PLPPR2: variants seen among roughly 807,000 people sequenced by gnomAD.
PLPPR2 encodes phospholipid phosphatase-related protein type 2.
A neutral mutation model predicts 40.3 loss-of-function variants in PLPPR2; 11 were observed. The observed-to-expected ratio is 0.27, with a 90% confidence interval of 0.17 to 0.45. PLPPR2 has a LOEUF of 0.45. PLPPR2 is among the 20% of genes least tolerant of loss of function. The pLI is 1.00. For missense variants in PLPPR2, 497 were observed against 640.7 expected (o/e 0.78, Z 2.42); for synonymous variants, 260 against 290.8 (o/e 0.89, Z 1.08).
rs972945959 is a variant in PLPPR2, at chr19:11,364,256, G to A, written c.1015+44G>A. The A allele has an allele frequency of 2.0e-5, 32 of 1,587,160 alleles. No individual in the cohort carries two copies. The highest frequency in any genetic ancestry group is 2.7e-5 in the Non-Finnish European group (31 of 1,164,672). ...GGGGGCTAAACAGGGGGACTTCCAG[G>A]TGGGCAGCCACTGCCCCAGAGGTCT... On this transcript the variant is annotated intron_variant, in intron 9 of 9. Coordinates refer to ENST00000688289, the MANE Select transcript of PLPPR2 (RefSeq NM_001393892.1). This position sits in a 1 kb window ranked among gnomAD's most constrained non-coding sequence, Gnocchi z 5.8.
Position 11,364,241 on chromosome 19 carries a change from CAGG to C in PLPPR2, c.1015+30_1015+32del. 6.3e-7 allele frequency: 1 copy of C among 1,596,702 alleles called. No homozygotes were observed. The highest frequency in any genetic ancestry group is 8.5e-7 in the Non-Finnish European group (1 of 1,169,734). On this transcript the variant is annotated intron_variant, in intron 9 of 9. Coordinates refer to ENST00000688289, the MANE Select transcript of PLPPR2 (RefSeq NM_001393892.1). The surrounding 1 kb of genome is among the most constrained non-coding windows in gnomAD (Gnocchi z 5.8). Reference sequence around the variant, plus strand: ...AGTGTTGGGGGAGTGGGGGGCTAAACAGGGGGACTTCCAGGTGGGCAGCCACTG... The same window carrying C: ...AGTGTTGGGGGAGTGGGGGGCTAAACGGGACTTCCAGGTGGGCAGCCACTG...
In PLPPR2 at chr19:11,362,585, T is replaced by G; in HGVS notation, c.736T>G (p.Cys246Gly). The change falls in exon 7 of 10, where the codon TGC becomes GGC. Residue 246 changes from cysteine (C) to glycine (G), a missense_variant. Transcript: ENST00000688289. This position sits in a 1 kb window ranked among gnomAD's most constrained non-coding sequence, Gnocchi z 5.3. ...ACCCTCGCTCTGCCTGGCCTTGCTG[T>G]GCCCGGCCTTCCTGGTGGGCGTGGT... ...VKPSLCLALL[C>G]PAFLVGVVRV... is the part of the protein sequence containing the mutation. 6.2e-7 allele frequency: 1 copy of G among 1,613,366 alleles called. No homozygotes were observed. The highest frequency in any genetic ancestry group is 8.5e-7 in the Non-Finnish European group (1 of 1,180,002).
Position 11,364,973 on chromosome 19 carries a change from T to C in PLPPR2, c.*283T>C, listed in dbSNP as rs1047791598. ...TGCCTGGCTAATGAGAACCCCTGGT[T>C]CTCAGAATTTTAACCAAAAGGAGTT... is the stretch of plus-strand genomic sequence containing the variant. On this transcript the variant is annotated 3_prime_UTR_variant, in exon 10 of 10. Coordinates refer to ENST00000688289, the MANE Select transcript of PLPPR2 (RefSeq NM_001393892.1). The surrounding 1 kb of genome is among the most constrained non-coding windows in gnomAD (Gnocchi z 5.8). 5.2e-5 allele frequency: 25 copies of C among 478,692 alleles called. No individual in the cohort carries two copies. Among genetic ancestry groups the C allele is most frequent in the African/African-American group, 3.3e-4 (16 of 49,220 alleles). The allele number at this position is 478,692 out of a possible 1,614,324, so 29.7% of individuals were successfully genotyped here. A position where few individuals can be genotyped will look rare whatever the true frequency, so the allele number is the denominator to read the frequency against.
intron 5 of PLPPR2, among the ~76,000 whole-genome samples, chr19:11,360,286 CAAAAAA>C (rs71164193): frequency 1.2e-5 from 1 of 85,252 alleles, no homozygotes; most frequent in Non-Finnish European, 2.4e-5. Context: ...AACTCCGTCT[CAAAAAA>C]AAAAAAAAAA....
chr19:11,358,490 G>A (rs1187707852), intron 3 of PLPPR2, among the ~76,000 whole-genome samples: 1 of 151,968 alleles, frequency 6.6e-6, no homozygotes, highest in Non-Finnish European at 1.5e-5. Context: ...ATGTGGGAGA[G>A]TCTCTCCACC....
chr19:11,360,899 T>C (rs1187001720), intron 5 of PLPPR2, among the ~76,000 whole-genome samples: 1 of 152,036 alleles, frequency 6.6e-6, no homozygotes, highest in Non-Finnish European at 1.5e-5. Flanking sequence ...CTAGCCGTCC[T>C]AGGCATGGGG....
Position 11,361,539 on chromosome 19 carries a change from G to A in PLPPR2, c.663+51G>A. 1 of 1,545,730 alleles carries A rather than the reference G, an allele frequency of 6.5e-7. No homozygotes were observed. The highest frequency in any genetic ancestry group is 8.7e-7 in the Non-Finnish European group (1 of 1,150,162). ...GAAATGGGTGTGCAGGCTGGACAGC[G>A]ACCAGCAGCTAGGAAGCCGCCAGGG... On this transcript the variant is annotated intron_variant, in intron 6 of 9. Transcript: ENST00000688289. This position sits in a 1 kb window ranked among gnomAD's most constrained non-coding sequence, Gnocchi z 6.3.
rs767377471 is a variant in PLPPR2, at chr19:11,364,224, GGGA to G, written c.1015+14_1015+16del. The stretch of plus-strand genomic sequence containing the variant: ...GCTCACCCCATCCAGTGAGTGTTGG[GGGA>G]GTGGGGGGCTAAACAGGGGGACTTC... On this transcript the variant is annotated intron_variant, in intron 9 of 9. Transcript: ENST00000688289. This position sits in a 1 kb window ranked among gnomAD's most constrained non-coding sequence, Gnocchi z 5.8. 7.5e-6 allele frequency: 12 copies of G among 1,608,472 alleles called. No homozygotes were observed. Among genetic ancestry groups the G allele is most frequent in the Non-Finnish European group, 1.0e-5 (12 of 1,176,362 alleles).
chr19:11,363,041 C>T lies in PLPPR2; in HGVS notation c.840+352C>T, dbSNP rs139119685. On this transcript the variant is annotated intron_variant, in intron 7 of 9. Coordinates refer to ENST00000688289, the MANE Select transcript of PLPPR2 (RefSeq NM_001393892.1). This position sits in a 1 kb window ranked among gnomAD's most constrained non-coding sequence, Gnocchi z 4.8. ...GGGTGCGGTGGCTCACGCCTGTAAT[C>T]CCAGCACTTTGGGAAGCTGAGGCAG... 1.1e-3 allele frequency among the ~76,000 whole-genome samples: 168 copies of T among 152,250 alleles called. No homozygotes were observed. The highest frequency in any genetic ancestry group is 3.9e-3 in the African/African-American group (161 of 41,540).
At chr19:11,358,029 CTGTGTGTGTG>C (rs751126799) in intron 3 of PLPPR2, among the ~76,000 whole-genome samples, 16,197 of 149,428 alleles carry the variant, frequency 0.11, 1,643 homozygotes, top group African/African-American at 0.27. Context: ...GGGCTGTTCT[CTGTGTGTGTG>C]TGTGTGTGTG....
At position 11,359,422 on chromosome 19, in the gene PLPPR2, C is replaced by T. The variant is rs1967982631; in HGVS notation, c.67-110C>T. ...TCTCTCTCCATCTTCTAGTTTCTGT[C>T]TCTAACCCATGTTTCTCCATCTCTG... is the stretch of plus-strand genomic sequence containing the variant. On this transcript the variant is annotated intron_variant, in intron 3 of 9. Transcript: ENST00000688289. The surrounding 1 kb of genome is among the most constrained non-coding windows in gnomAD (Gnocchi z 5.6). 2 of 1,020,066 alleles carry T rather than the reference C, an allele frequency of 2.0e-6. No individual in the cohort carries two copies. Among genetic ancestry groups the T allele is most frequent in the Non-Finnish European group, 2.7e-6 (2 of 735,028 alleles). The allele number at this position is 1,020,066 out of a possible 1,614,324, so 63.2% of individuals were successfully genotyped here.
chr19:11,361,740 G>T lies in PLPPR2; in HGVS notation c.663+252G>T, dbSNP rs932787581. Among the ~76,000 whole-genome samples the T allele has an allele frequency of 2.6e-5, 4 of 151,756 alleles. No individual in the cohort carries two copies. Among genetic ancestry groups the T allele is most frequent in the African/African-American group, 9.7e-5 (4 of 41,282 alleles). ...TGGCCACGCCTCCTGAGCCAGTAATGCGAGGGAAACTGTTGGCTCTACCCT... is the reference window on the plus strand; with the variant it reads ...TGGCCACGCCTCCTGAGCCAGTAATTCGAGGGAAACTGTTGGCTCTACCCT... On this transcript the variant is annotated intron_variant, in intron 6 of 9. Transcript: ENST00000688289. This position sits in a 1 kb window ranked among gnomAD's most constrained non-coding sequence, Gnocchi z 6.3.
In PLPPR2 at chr19:11,359,860, C is replaced by T; in HGVS notation, c.295C>T (p.Pro99Ser). The change falls in exon 5 of 10, where the codon CCA becomes TCA. Residue 99 changes from proline (P) to serine (S), a missense_variant. By Grantham distance (74) the Pro-to-Ser change is moderately conservative. Transcript: ENST00000688289. This position sits in a 1 kb window ranked among gnomAD's most constrained non-coding sequence, Gnocchi z 5.6. ...GCTGGCGCGTGCCTTTTTCCCTGCA[C>T]CACCTTCAGCCGTCCCAGTCATCGG... Reference protein sequence around the residue: ...GELARAFFPAPPSAVPVIGES... With the variant: ...GELARAFFPASPSAVPVIGES... The T allele has an allele frequency of 1.9e-6, 3 of 1,613,684 alleles. No individual in the cohort carries two copies. The highest frequency in any genetic ancestry group is 2.5e-6 in the Non-Finnish European group (3 of 1,179,698).
At chr19:11,357,197 C>G (rs1020827530) in intron 2 of PLPPR2, among the ~76,000 whole-genome samples, 9 of 152,040 alleles carry the variant, frequency 5.9e-5, no homozygotes, top group African/African-American at 2.2e-4. Flanking sequence ...GAGAGAGGGG[C>G]CCCTGCAGAG....
intron 1 of PLPPR2, among the ~76,000 whole-genome samples, chr19:11,356,294 A>G (rs1164544249): frequency 6.6e-6 from 1 of 151,610 alleles, no homozygotes; most frequent in Non-Finnish European, 1.5e-5. Flanking sequence ...CGCTGTGATG[A>G]GTTCTGTGAC....
intron 3 of PLPPR2, 148 bp downstream of exon 3, chr19:11,357,887 A>G: frequency 1.6e-6 from 1 of 623,350 alleles, no homozygotes; most frequent in South Asian, 2.6e-5. Flanking sequence ...GCTTAGATTC[A>G]GAAGTGCCAC....
rs1055872578 is a variant in PLPPR2, at chr19:11,365,207, T to C, written c.*517T>C. ...AGGGAGATGAGGTCATTGTTTGTCA[T>C]TGAGTCTTCTCTCAGAATCAGCGAG... On this transcript the variant is annotated 3_prime_UTR_variant, in exon 10 of 10. Transcript: ENST00000688289. 1.4e-4 allele frequency: 22 copies of C among 159,770 alleles called. No homozygotes were observed. Among genetic ancestry groups the C allele is most frequent in the Admixed American group, 1.3e-3 (22 of 16,818 alleles). 9.9% of individuals were successfully genotyped at this position (159,770 alleles called of 1,614,324 possible).
Position 11,359,810 on chromosome 19 carries a change from C to G in PLPPR2, c.256-11C>G, listed in dbSNP as rs1967993658. 6.2e-7 allele frequency: 1 copy of G among 1,607,148 alleles called. No homozygotes were observed. Among genetic ancestry groups the G allele is most frequent in the African/African-American group, 1.3e-5 (1 of 74,854 alleles). ...GAAGGCCAGAAGACTCCATCTTGGT[C>G]TTGCCCACAGATCCTGCTGGGAGAG... On this transcript the variant is annotated splice_polypyrimidine_tract_variant and intron_variant, in intron 4 of 9. Transcript: ENST00000688289. This position sits in a 1 kb window ranked among gnomAD's most constrained non-coding sequence, Gnocchi z 5.6.
rs551786468 is a variant in PLPPR2 at position 11,364,565 on chromosome 19, C to T, written c.1234C>T (p.Arg412Trp). 7 of 1,536,962 alleles carry T rather than the reference C, an allele frequency of 4.6e-6. No homozygotes were observed. The highest frequency in any genetic ancestry group is 2.4e-5 in the East Asian group (1 of 40,896). ...GCCAGGCGGGGGTGGTGGACGTGGC[C>T]GGAAGCTGCTGCTGCCCACGCCCCT... ...GGPGGGGGRGRKLLLPTPLLR... is the reference protein window; with the variant it reads ...GGPGGGGGRGWKLLLPTPLLR... Residue 412 changes from arginine (R) to tryptophan (W), a missense_variant, in exon 10 of 10, where the codon CGG becomes TGG. Arg to Trp is a moderately radical substitution (Grantham distance 101). Coordinates refer to ENST00000688289, the MANE Select transcript of PLPPR2 (RefSeq NM_001393892.1). This position sits in a 1 kb window ranked among gnomAD's most constrained non-coding sequence, Gnocchi z 5.8.
Sources: allele counts gnomAD v4.1 joint callset (sites outside exome capture counted in the v4.1 genomes callset), GRCh38; gene constraint gnomAD v4.1.1; non-coding constraint Gnocchi (gnomAD v3.1); transcripts MANE v1.5; gene names NCBI Gene and HGNC (gene_info 2026-07-23, HGNC 2026-07-21).